The following CMTM4 variants were observed in gnomAD, a reference collection of about 807,000 sequenced individuals.
CMTM4 encodes CKLF like MARVEL transmembrane domain containing 4.
Under a neutral mutation model 19.0 loss-of-function variants are expected in CMTM4, and 8 were observed. The ratio of observed to expected loss-of-function variants is 0.42; its 90% CI spans 0.25 to 0.76. The LOEUF is 0.76. CMTM4 is among the 30% of genes least tolerant of loss of function. The probability of loss-of-function intolerance (pLI) is 0.27; values close to 1 mark genes in which losing one functional copy is unlikely to be tolerated. For synonymous variants in CMTM4, 106 were observed against 121.1 expected, an observed-to-expected ratio of 0.88 and a Z score of 0.82; for missense variants, 228 against 290.2, an observed-to-expected ratio of 0.79 and a Z score of 1.56.
chr16:66,635,899 A>C (rs1038104473), intron 2 of CMTM4, among the ~76,000 whole-genome samples: 3 of 152,166 alleles, frequency 2.0e-5, no homozygotes, highest in African/African-American at 7.2e-5. Context: ...CATGGGGAGA[A>C]GGGGCAGGTT....
At chr16:66,598,564 G>A in the CMTM4 span, among the ~76,000 whole-genome samples, 1 of 152,202 alleles carries the variant, frequency 6.6e-6, no homozygotes, top group South Asian at 2.1e-4. Context: ...AGCACTCCAG[G>A]AAGCTTTCTC....
Position 66,621,504 on chromosome 16 carries a change from G to A in CMTM4, c.*554C>T, listed in dbSNP as rs970893503. The A allele has an allele frequency of 3.2e-5, 32 of 986,098 alleles. No individual in the cohort carries two copies. The highest frequency in any genetic ancestry group is 1.2e-4 in the Admixed American group (2 of 16,320). The allele number at this position is 986,098 out of a possible 1,614,324, so 61.1% of individuals were successfully genotyped here. On this transcript the variant is annotated 3_prime_UTR_variant, in exon 4 of 4. Coordinates refer to ENST00000394106, the MANE Select transcript of CMTM4 (RefSeq NM_181521.3). ...CCTTCCTTGAGTCAGAGGTCCCTGG[G>A]AGCCATCCTAACAGGACATCAGCTT...
At chr16:66,648,252 C>CTAGA (rs2016243590) in intron 1 of CMTM4, among the ~76,000 whole-genome samples, 1 of 152,210 alleles carries the variant, frequency 6.6e-6, no homozygotes, top group Non-Finnish European at 1.5e-5. Flanking sequence ...GACACATGGG[C>CTAGA]TAGAAAGAGT....
At chr16:66,677,012 G>A (rs919299932) in intron 1 of CMTM4, among the ~76,000 whole-genome samples, 1 of 152,128 alleles carries the variant, frequency 6.6e-6, no homozygotes, top group African/African-American at 2.4e-5. Flanking sequence ...TACTTTGGGG[G>A]CCAGGGCAGC....
rs1326354274 is a variant in CMTM4 at position 66,622,815 on chromosome 16, C to A, written c.462+589G>T. ...ACAGAGTTTTAATTATTAAGACTTA[C>A]AAATCGCCTGAGTGGCACCTGGGAG... On this transcript the variant is annotated intron_variant, in intron 3 of 3. Transcript: ENST00000394106. The surrounding 1 kb of genome is among the most constrained non-coding windows in gnomAD (Gnocchi z 4.0). 1.3e-5 allele frequency among the ~76,000 whole-genome samples: 2 copies of A among 152,176 alleles called. No homozygotes were observed. The highest frequency in any genetic ancestry group is 4.8e-5 in the African/African-American group (2 of 41,442).
rs1400098330 is a variant in CMTM4, at chr16:66,622,070, G to T, written c.615C>A (p.Arg205=). The T allele has an allele frequency of 6.4e-7, 1 of 1,569,526 alleles. No homozygotes were observed. Among genetic ancestry groups the T allele is most frequent in the Non-Finnish European group, 8.6e-7 (1 of 1,156,394 alleles). ...TCCAGGCAGGTCCTCACGTGTCCAG[G>T]CGCTGGATCTCAGGGCGACTGTCCA... ...RDVDSRPEIQ[R]LDT The change falls in exon 4 of 4, where the codon CGC becomes CGA. Residue 205 remains arginine, a synonymous_variant. Transcript: ENST00000394106. The surrounding 1 kb of genome is among the most constrained non-coding windows in gnomAD (Gnocchi z 4.0).
intron 2 of CMTM4, among the ~76,000 whole-genome samples, chr16:66,629,867 G>A (rs1454165057): frequency 6.6e-6 from 1 of 152,202 alleles, no homozygotes; most frequent in East Asian, 1.9e-4. Flanking sequence ...AGCTCATTCT[G>A]ACTCCATAAG....
chr16:66,653,485 C>T (rs1337234825), intron 1 of CMTM4, among the ~76,000 whole-genome samples: 3 of 152,100 alleles, frequency 2.0e-5, no homozygotes, highest in Non-Finnish European at 2.9e-5. Context: ...ACCTATGACC[C>T]CCAGGGCCGC....
chr16:66,646,794 C>A (rs2016210631), intron 1 of CMTM4, among the ~76,000 whole-genome samples: 1 of 151,790 alleles, frequency 6.6e-6, no homozygotes, highest in African/African-American at 2.4e-5. Context: ...GCAACCTCCA[C>A]CTCCTGGGTT....
chr16:66,634,444 A>G (rs2015951103), intron 2 of CMTM4, among the ~76,000 whole-genome samples: 1 of 136,298 alleles, frequency 7.3e-6, no homozygotes, highest in African/African-American at 3.5e-5. Context: ...TGTCTCAAAA[A>G]AACAAAAAAA....
intron 1 of CMTM4, among the ~76,000 whole-genome samples, chr16:66,643,857 G>A (rs995745014): frequency 8.5e-5 from 13 of 152,168 alleles, no homozygotes; most frequent in Admixed American, 7.9e-4. Context: ...GGGTTCAAGC[G>A]ATTCTCCTGT....
At chr16:66,670,509 A>G (rs1378328154) in intron 1 of CMTM4, among the ~76,000 whole-genome samples, 2 of 146,284 alleles carry the variant, frequency 1.4e-5, no homozygotes, top group Admixed American at 1.4e-4. Flanking sequence ...AGTTCTTAAA[A>G]GTAATAATGT....
chr16:66,651,044 G>A (rs984018567), intron 1 of CMTM4, among the ~76,000 whole-genome samples: 1 of 152,152 alleles, frequency 6.6e-6, no homozygotes, highest in African/African-American at 2.4e-5. Context: ...GACAGGGCTT[G>A]TATTTAACCA....
At chr16:66,694,583 G>A (rs2017197056) in intron 1 of CMTM4, among the ~76,000 whole-genome samples, 1 of 151,568 alleles carries the variant, frequency 6.6e-6, no homozygotes, top group African/African-American at 2.4e-5. Context: ...CGTGGTGGTG[G>A]GCGCCTGTAA....
At chr16:66,649,338 C>G (rs2016266251) in intron 1 of CMTM4, among the ~76,000 whole-genome samples, 1 of 152,146 alleles carries the variant, frequency 6.6e-6, no homozygotes, top group Admixed American at 6.6e-5. Context: ...CTAAAATTAA[C>G]TGAGGATCTA....
rs942680550 is a variant in CMTM4, at chr16:66,621,711, T to C, written c.*347A>G. ...ATGCTGTCCCTTCATTCCTTCATAT[T>C]TCCCCCCTCTTAGCAGCCCCATTTA... On this transcript the variant is annotated 3_prime_UTR_variant, in exon 4 of 4. Transcript: ENST00000394106. The C allele has an allele frequency of 9.3e-6, 10 of 1,080,670 alleles. No individual in the cohort carries two copies. The highest frequency in any genetic ancestry group is 4.5e-5 in the Admixed American group (1 of 22,258). The allele number at this position is 1,080,670 out of a possible 1,614,324, so 66.9% of individuals were successfully genotyped here. A position where few individuals can be genotyped will look rare whatever the true frequency, so the allele number is the denominator to read the frequency against.
At chr16:66,641,898 C>A (rs1252576258) in intron 1 of CMTM4, among the ~76,000 whole-genome samples, 1 of 152,138 alleles carries the variant, frequency 6.6e-6, no homozygotes, top group African/African-American at 2.4e-5. Context: ...AATAGTGTTT[C>A]CACAGGTATG....
Position 66,618,137 on chromosome 16 carries a change from G to GAAAT in CMTM4, c.*3917_*3920dup. On this transcript the variant is annotated 3_prime_UTR_variant, in exon 4 of 4. Transcript: ENST00000394106. ...ACCCTGGATTCTGCAACTTCACTAG[G>GAAAT]AAATAACAAGGCACCTAGAGACTTC... 3.0e-6 allele frequency: 3 copies of GAAAT among 985,444 alleles called. No individual in the cohort carries two copies. Among genetic ancestry groups the GAAAT allele is most frequent in the Non-Finnish European group, 3.6e-6 (3 of 829,952 alleles). 61.0% of individuals were successfully genotyped at this position (985,444 alleles called of 1,614,324 possible).
chr16:66,691,615 C>T (rs2017136378), intron 1 of CMTM4, among the ~76,000 whole-genome samples: 1 of 152,180 alleles, frequency 6.6e-6, no homozygotes, highest in South Asian at 2.1e-4. Flanking sequence ...GTGGAAGGAT[C>T]ACCTGAGCCC....
Sources: allele counts gnomAD v4.1 joint callset (sites outside exome capture counted in the v4.1 genomes callset), GRCh38; gene constraint gnomAD v4.1.1; non-coding constraint Gnocchi (gnomAD v3.1); transcripts MANE v1.5; gene names NCBI Gene and HGNC (gene_info 2026-07-23, HGNC 2026-07-21).